Variants in ARHGEF18 observed in about 807,000 individuals in gnomAD.
The protein encoded by ARHGEF18 is Rho/Rac guanine nucleotide exchange factor 18, also known as rho guanine nucleotide exchange factor 18.
ARHGEF18 carries 93 observed loss-of-function variants against 155.7 expected under a neutral mutation model. That is an observed-to-expected ratio of 0.60 (90% confidence interval 0.50 to 0.71). The LOEUF (loss-of-function observed/expected upper bound fraction) is 0.71, where lower values mean the gene tolerates loss of function less well. ARHGEF18 is among the 30% of genes least tolerant of loss of function. ARHGEF18 has a pLI of 0.00. For synonymous variants in ARHGEF18, 742 were observed against 753.1 expected (o/e 0.99, Z 0.24); for missense variants, 1,593 against 1,816.1 (o/e 0.88, Z 2.23).
At position 7,452,622 on chromosome 19, in the gene ARHGEF18, C is replaced by T. The variant is rs375391542; in HGVS notation, c.1856-845C>T. Among the ~76,000 whole-genome samples, 79 of 151,812 alleles carry T rather than the reference C, an allele frequency of 5.2e-4. No individual in the cohort carries two copies. The East Asian group carries it at 8.9e-3, about 17-fold the overall frequency. On this transcript the variant is annotated intron_variant, in intron 16 of 28. Transcript: ENST00000668164. ...CTGGGATTACAGGCATGTGCCACCA[C>T]GCCTGGCTAATTTTTATATTTTTAG...
At chr19:7,437,747 G>A (rs1421307980) in intron 10 of ARHGEF18, among the ~76,000 whole-genome samples, 1 of 150,410 alleles carries the variant, frequency 6.6e-6, no homozygotes, top group African/African-American at 2.4e-5. Context: ...GGGTTCAAGC[G>A]ATTCTCCTGC....
chr19:7,432,781 T>C (rs1210761031), intron 10 of ARHGEF18, among the ~76,000 whole-genome samples: 5 of 152,254 alleles, frequency 3.3e-5, no homozygotes, highest in Admixed American at 6.5e-5. Flanking sequence ...CAATTCTTGC[T>C]TACAAATTGG....
intron 20 of ARHGEF18, among the ~76,000 whole-genome samples, chr19:7,461,755 C>T (rs562620336): frequency 2.4e-4 from 37 of 152,214 alleles, no homozygotes; most frequent in African/African-American, 8.9e-4. Context: ...CTCACTGCAG[C>T]CTTGAACTCC....
At chr19:7,454,721 T>C (rs1171508673) in intron 17 of ARHGEF18, among the ~76,000 whole-genome samples, 2 of 152,078 alleles carry the variant, frequency 1.3e-5, no homozygotes, top group Admixed American at 6.5e-5. Context: ...AAGGGTGCAG[T>C]ACACACCAGG....
intron 10 of ARHGEF18, among the ~76,000 whole-genome samples, chr19:7,434,394 T>A (rs867345180): frequency 6.6e-6 from 1 of 152,176 alleles, no homozygotes. Context: ...GGTATATTTT[T>A]TCCCCCTCAG....
rs371991760 is a variant in ARHGEF18 at position 7,441,722 on chromosome 19, T to G, written c.1176T>G (p.Ser392=). 3.1e-6 allele frequency: 5 copies of G among 1,614,126 alleles called. No individual in the cohort carries two copies. The highest frequency in any genetic ancestry group is 1.3e-5 in the African/African-American group (1 of 74,960). ...AATTTAAGCAGACAGCTGATGACTC[T>G]CTGTCCCTTACATCTCCAAACACCG... ...FLKFKQTADD[S]LSLTSPNTES... Residue 392 remains serine (S), a synonymous_variant, in exon 12 of 29, where the codon TCT becomes TCG. Coordinates refer to ENST00000668164, the MANE Select transcript of ARHGEF18 (RefSeq NM_001367823.1).
rs1481550159 is a variant in ARHGEF18 at position 7,463,207 on chromosome 19, G to C, written c.2636-611G>C. ...CCAGAGCCTTTCCGCAGAATAAGAC[G>C]GCAGAGACGGGGGTCAGTCTTTCTC... is the stretch of plus-strand genomic sequence containing the variant. On this transcript the variant is annotated intron_variant, in intron 21 of 28. Transcript: ENST00000668164. This position sits in a 1 kb window ranked among gnomAD's most constrained non-coding sequence, Gnocchi z 5.2. 6.6e-6 allele frequency among the ~76,000 whole-genome samples: 1 copy of C among 152,104 alleles called. No individual in the cohort carries two copies. The highest frequency in any genetic ancestry group is 2.4e-5 in the African/African-American group (1 of 41,418).
intron 10 of ARHGEF18, among the ~76,000 whole-genome samples, chr19:7,428,641 A>C (rs999294253): frequency 2.0e-5 from 3 of 151,948 alleles, no homozygotes; most frequent in Non-Finnish European, 2.9e-5. Context: ...CAGGAGTGGG[A>C]GGCTGCAGCG....
At chr19:7,451,405 T>C (rs1975458193) in intron 16 of ARHGEF18, 139 bp downstream of exon 16, 1 of 93,080 alleles carries the variant, frequency 1.1e-5, no homozygotes, top group Non-Finnish European at 1.8e-5. Context: ...GGTTCCTTCC[T>C]TTTTTTTTTT....
chr19:7,372,319 T>C (rs1372319283), intron 2 of ARHGEF18, among the ~76,000 whole-genome samples: 1 of 151,826 alleles, frequency 6.6e-6, no homozygotes, highest in East Asian at 1.9e-4. Context: ...AGACTCAGGA[T>C]GGGCCGGGTG....
intron 20 of ARHGEF18, 101 bp downstream of exon 20, chr19:7,460,095 G>A (rs1489122215): frequency 1.8e-6 from 2 of 1,135,304 alleles, no homozygotes; most frequent in Non-Finnish European, 1.3e-6. Context: ...AGGTGACCCG[G>A]TGTTTTCCCG....
chr19:7,370,002 G>GC (rs1432934221), intron 2 of ARHGEF18, among the ~76,000 whole-genome samples: 1 of 151,918 alleles, frequency 6.6e-6, no homozygotes, highest in African/African-American at 2.4e-5. Context: ...TTTCAGACCA[G>GC]CCTCGGCAAC....
intron 10 of ARHGEF18, among the ~76,000 whole-genome samples, chr19:7,396,670 G>C (rs1688732755): frequency 6.6e-6 from 1 of 151,492 alleles, no homozygotes. Context: ...AGCCGCGATC[G>C]GGCCACTGCA....
intron 10 of ARHGEF18, among the ~76,000 whole-genome samples, chr19:7,386,227 T>C (rs1971066191): frequency 7.7e-6 from 1 of 130,332 alleles, no homozygotes; most frequent in Admixed American, 7.7e-5. Context: ...GGGCTCTTGC[T>C]ATGTTGCAAA....
intron 10 of ARHGEF18, among the ~76,000 whole-genome samples, chr19:7,409,651 G>A (rs1006383917): frequency 6.6e-6 from 1 of 151,334 alleles, no homozygotes. Flanking sequence ...TGGCCAGGCT[G>A]GTCTCAAACA....
chr19:7,397,749 T>A lies in ARHGEF18; in HGVS notation c.967+14546T>A, dbSNP rs1052809130. On this transcript the variant is annotated intron_variant, in intron 10 of 28. Transcript: ENST00000668164. Reference sequence around the variant, plus strand: ...TTCCATCTCAAAAAAAAAAAAAAATTTTTTTTGTGGGGTCTCGCTATGTTG... The same window carrying A: ...TTCCATCTCAAAAAAAAAAAAAAATATTTTTTGTGGGGTCTCGCTATGTTG... Among the ~76,000 whole-genome samples the A allele has an allele frequency of 2.0e-5, 3 of 150,522 alleles. No individual in the cohort carries two copies. In the East Asian group the frequency reaches 5.8e-4, roughly 29 times the overall value.
chr19:7,473,776 C>T (rs1239643211), downstream of ARHGEF18, among the ~76,000 whole-genome samples: 1 of 140,894 alleles, frequency 7.1e-6, no homozygotes, highest in African/African-American at 2.7e-5. Flanking sequence ...CGCCACTGCA[C>T]TCAGCCTAGG....
chr19:7,411,363 G>A (rs1346432046), intron 10 of ARHGEF18, among the ~76,000 whole-genome samples: 1 of 148,330 alleles, frequency 6.7e-6, no homozygotes, highest in Non-Finnish European at 1.5e-5. Context: ...CTGGAGGGCA[G>A]TGGTGTGATC....
At chr19:7,361,994 A>AGAAGAAGAAGAAGAAGAAGAAGAAGAG (rs1568264150) in intron 1 of ARHGEF18, among the ~76,000 whole-genome samples, 1 of 43,158 alleles carries the variant, frequency 2.3e-5, no homozygotes, top group Non-Finnish European at 3.9e-5. Context: ...ACTCTGTGGA[A>AGAAGAAGAAGAAGAAGAAGAAGAAGAG]GAAGAAGAAG....
Sources: allele counts gnomAD v4.1 joint callset (sites outside exome capture counted in the v4.1 genomes callset), GRCh38; gene constraint gnomAD v4.1.1; non-coding constraint Gnocchi (gnomAD v3.1); transcripts MANE v1.5; gene names NCBI Gene and HGNC (gene_info 2026-07-23, HGNC 2026-07-21).